Variants in ARHGEF10L observed in about 807,000 individuals in gnomAD.
ARHGEF10L encodes the protein rho guanine nucleotide exchange factor 10-like protein.
A neutral mutation model predicts 141.2 loss-of-function variants in ARHGEF10L; 69 were observed. The observed-to-expected ratio is 0.49, with a 90% CI of 0.40 to 0.60. The LOEUF is 0.60. Among genes scored for constraint, ARHGEF10L ranks in the 20% least tolerant of loss-of-function variants. ARHGEF10L has a pLI of 0.00. For missense variants in ARHGEF10L, 1,482 were observed against 1,734.3 expected (o/e 0.85, Z 2.58); for synonymous variants, 711 against 718.5 (o/e 0.99, Z 0.17).
At chr1:17,587,787 T>A (rs754952476) in intron 3 of ARHGEF10L, 142 bp downstream of exon 3, 36 of 917,292 alleles carry the variant, frequency 3.9e-5, no homozygotes, top group Non-Finnish European at 5.7e-5. Context: ...GGGAAGAAGC[T>A]GCAGTCTGTG....
intron 6 of ARHGEF10L, among the ~76,000 whole-genome samples, chr1:17,606,552 C>T (rs924292307): frequency 6.6e-6 from 1 of 151,670 alleles, no homozygotes; most frequent in African/African-American, 2.4e-5. Flanking sequence ...TCTCAGCCTC[C>T]CAAAGTGGTG....
At chr1:17,606,598 T>TC (rs1045339760) in intron 6 of ARHGEF10L, among the ~76,000 whole-genome samples, 1 of 147,302 alleles carries the variant, frequency 6.8e-6, no homozygotes, top group Non-Finnish European at 1.5e-5. Context: ...CCAGTCAGAT[T>TC]CCTTTTTTTT....
chr1:17,627,458 C>A lies in ARHGEF10L; in HGVS notation c.1539C>A (p.Ile513=). 6.2e-7 allele frequency: 1 copy of A among 1,613,130 alleles called. No homozygotes were observed. The highest frequency in any genetic ancestry group is 8.5e-7 in the Non-Finnish European group (1 of 1,180,018). Residue 513 remains isoleucine (I), a synonymous_variant, in exon 15 of 29, where the codon ATC becomes ATA. Coordinates refer to ENST00000361221, the MANE Select transcript of ARHGEF10L (RefSeq NM_018125.4). The surrounding 1 kb of genome is among the most constrained non-coding windows in gnomAD (Gnocchi z 4.0). ...GGCTGGCTGACCAGGTGGCTGAGAT[C>A]CAGCAGCTGACCAAGAGCGTCAGTG... ...QKRLADQVAE[I]QQLTKSVSDR...
chr1:17,526,732 C>T, the ARHGEF10L span, among the ~76,000 whole-genome samples: 1 of 152,006 alleles, frequency 6.6e-6, no homozygotes, highest in Admixed American at 6.6e-5. Context: ...GGCGAAACCC[C>T]GTCTCTACTG....
chr1:17,602,355 AG>A, intron 5 of ARHGEF10L, 137 bp downstream of exon 5: 2 of 977,964 alleles, frequency 2.0e-6, no homozygotes, highest in Non-Finnish European at 3.0e-6. Flanking sequence ...GTGGCCCTGG[AG>A]GACCAACCAC....
At chr1:17,587,288 C>G (rs551283774) in intron 2 of ARHGEF10L, among the ~76,000 whole-genome samples, 172 bp from the exon 3 acceptor site, 165 of 152,322 alleles carry the variant, frequency 1.1e-3, no homozygotes, top group Non-Finnish European at 1.6e-3. Context: ...ACCCCCTCCC[C>G]CCGGCCTTAC....
the ARHGEF10L span, among the ~76,000 whole-genome samples, chr1:17,526,772 G>A: frequency 6.6e-6 from 1 of 152,156 alleles, no homozygotes; most frequent in South Asian, 2.1e-4. Flanking sequence ...AGACATGGTG[G>A]TGTATGCCTG....
At chr1:17,618,079 A>G (rs1390174963) in intron 9 of ARHGEF10L, among the ~76,000 whole-genome samples, 1 of 152,150 alleles carries the variant, frequency 6.6e-6, no homozygotes, top group Non-Finnish European at 1.5e-5. Flanking sequence ...GTGAATGTCC[A>G]TGTTCCCTCT....
chr1:17,665,505 G>A (rs920133281), intron 26 of ARHGEF10L, among the ~76,000 whole-genome samples: 3 of 152,272 alleles, frequency 2.0e-5, no homozygotes, highest in South Asian at 2.1e-4. Context: ...GATGTGGTCC[G>A]CCCCTTTCCC....
intron 1 of ARHGEF10L, among the ~76,000 whole-genome samples, chr1:17,542,161 G>T (rs1297750739): frequency 6.6e-6 from 1 of 151,576 alleles, no homozygotes; most frequent in South Asian, 2.1e-4. Flanking sequence ...GAAAAGAAAA[G>T]AAGAAGATTG....
rs184173447 is a variant in ARHGEF10L at position 17,596,617 on chromosome 1, C to G, written c.258-5510C>G. Among the ~76,000 whole-genome samples, 699 of 152,340 alleles carry G rather than the reference C, an allele frequency of 4.6e-3. 3 individuals are homozygous for G. The highest frequency in any genetic ancestry group is 7.7e-3 in the Non-Finnish European group (526 of 68,038). On this transcript the variant is annotated intron_variant, in intron 4 of 28. Coordinates refer to ENST00000361221, the MANE Select transcript of ARHGEF10L (RefSeq NM_018125.4). Reference sequence around the variant, plus strand: ...TAGCTTGTTCTGGTTTTGGGGGTCTCCTCCCCGACCACCCACATGGTGCAG... The same window carrying G: ...TAGCTTGTTCTGGTTTTGGGGGTCTGCTCCCCGACCACCCACATGGTGCAG...
the ARHGEF10L span, among the ~76,000 whole-genome samples, chr1:17,528,825 C>A: frequency 2.3e-3 from 357 of 152,274 alleles, 1 homozygote; most frequent in Non-Finnish European, 3.5e-3. Context: ...TCAGTGTGCT[C>A]ATCTGTTGCA....
upstream of ARHGEF10L, among the ~76,000 whole-genome samples, chr1:17,539,525 G>A (rs1219596347): frequency 2.0e-5 from 3 of 151,962 alleles, no homozygotes; most frequent in Non-Finnish European, 4.4e-5. This position sits in a 1 kb window ranked among gnomAD's most constrained non-coding sequence, Gnocchi z 6.0. Flanking sequence ...ACTGTGGGGG[G>A]CCGGTGGGCT....
upstream of ARHGEF10L, among the ~76,000 whole-genome samples, chr1:17,538,906 T>A (rs1189104616): frequency 6.6e-6 from 1 of 152,188 alleles, no homozygotes; most frequent in East Asian, 1.9e-4. Flanking sequence ...ATAATCTTAA[T>A]TAATGACCTG....
chr1:17,696,059 A>G (rs1336359805), intron 28 of ARHGEF10L, among the ~76,000 whole-genome samples: 2 of 152,036 alleles, frequency 1.3e-5, no homozygotes, highest in Non-Finnish European at 2.9e-5. Context: ...AATAAAAATA[A>G]AAAATTAGCT....
chr1:17,533,544 G>A, the ARHGEF10L span, among the ~76,000 whole-genome samples: 5 of 152,132 alleles, frequency 3.3e-5, no homozygotes, highest in Non-Finnish European at 5.9e-5. Context: ...ACTAAGTCCC[G>A]TAAAGGAGCA....
chr1:17,660,370 C>A (rs1416981546), intron 25 of ARHGEF10L, among the ~76,000 whole-genome samples: 1 of 152,176 alleles, frequency 6.6e-6, no homozygotes, highest in African/African-American at 2.4e-5. Flanking sequence ...CCCCTCTAAT[C>A]CTCAGTTTCC....
chr1:17,520,183 G>C, the ARHGEF10L span, among the ~76,000 whole-genome samples: 1 of 152,182 alleles, frequency 6.6e-6, no homozygotes, highest in East Asian at 1.9e-4. Flanking sequence ...GCTCAGCCCC[G>C]GCTGGCTTGA....
At chr1:17,692,554 T>C (rs1381002351) in intron 27 of ARHGEF10L, among the ~76,000 whole-genome samples, 1 of 152,192 alleles carries the variant, frequency 6.6e-6, no homozygotes, top group Non-Finnish European at 1.5e-5. Flanking sequence ...CCAGCAGCTC[T>C]GTCGCTCTGC....
Sources: allele counts gnomAD v4.1 joint callset (sites outside exome capture counted in the v4.1 genomes callset), GRCh38; gene constraint gnomAD v4.1.1; non-coding constraint Gnocchi (gnomAD v3.1); transcripts MANE v1.5; gene names NCBI Gene and HGNC (gene_info 2026-07-23, HGNC 2026-07-21).